Variants in WDPCP observed in about 807,000 individuals in gnomAD.
WDPCP encodes WD repeat-containing and planar cell polarity effector protein fritz homolog.
A neutral mutation model predicts 93.1 loss-of-function variants in WDPCP; 71 were observed. The ratio of observed to expected loss-of-function variants is 0.76; its 90% confidence interval spans 0.63 to 0.93. WDPCP has a LOEUF of 0.93. Ranked by LOEUF, WDPCP falls within the 40% of genes least tolerant of loss-of-function variation. WDPCP has a pLI of 0.00. For missense variants in WDPCP, 844 were observed against 887.4 expected (o/e 0.95, Z 0.62); for synonymous variants, 315 against 315.0 (o/e 1.00, Z 0.00).
At chr2:63,150,952 C>T (rs1671848558) in intron 17 of WDPCP, among the ~76,000 whole-genome samples, 1 of 152,296 alleles carries the variant, frequency 6.6e-6, no homozygotes, top group Non-Finnish European at 1.5e-5. Context: ...ATAGCAATTT[C>T]TAAACAAGAA....
At chr2:63,134,254 G>A (rs1255985194) in intron 17 of WDPCP, among the ~76,000 whole-genome samples, 5 of 152,090 alleles carry the variant, frequency 3.3e-5, no homozygotes, top group Non-Finnish European at 7.4e-5. Context: ...TAATTTCTCT[G>A]TAGTATCTCT....
intron 2 of WDPCP, among the ~76,000 whole-genome samples, chr2:63,758,095 T>G (rs1457780651): frequency 7.3e-6 from 1 of 137,774 alleles, no homozygotes; most frequent in Non-Finnish European, 1.6e-5. Context: ...GTGTTGTTGG[T>G]TTTTTTTTTT....
chr2:63,771,817 A>T (rs1670230871), intron 2 of WDPCP, among the ~76,000 whole-genome samples: 1 of 151,808 alleles, frequency 6.6e-6, no homozygotes, highest in Non-Finnish European at 1.5e-5. Context: ...CTTTTCCTGT[A>T]TTAATTCTTA....
At chr2:63,356,020 C>T (rs1689996931) in intron 12 of WDPCP, among the ~76,000 whole-genome samples, 1 of 152,178 alleles carries the variant, frequency 6.6e-6, no homozygotes, top group South Asian at 2.1e-4. Context: ...GGTATGCTGT[C>T]TTCAAGAGAC....
At chr2:63,754,563 TA>T (rs1669933615) in intron 2 of WDPCP, among the ~76,000 whole-genome samples, 1 of 152,218 alleles carries the variant, frequency 6.6e-6, no homozygotes. Context: ...GTGTATTTGT[TA>T]GGGCTGGCTA....
Position 63,296,188 on chromosome 2 carries a change from C to A in WDPCP, c.1812+17060G>T, listed in dbSNP as rs531876779. 8.9e-4 allele frequency among the ~76,000 whole-genome samples: 129 copies of A among 144,706 alleles called. 2 individuals are homozygous for A. The highest frequency in any genetic ancestry group is 3.1e-3 in the African/African-American group (121 of 38,632). 94.9% of individuals were successfully genotyped at this position (144,706 alleles called of 152,430 possible). A position where few individuals can be genotyped will look rare whatever the true frequency, so the allele number is the denominator to read the frequency against. ...CATAAACAGAATTAAAAACAAAAAC[C>A]ATATGATCATCTCAGTAGATGCAAA... On this transcript the variant is annotated intron_variant, in intron 13 of 17. Transcript: ENST00000272321.
chr2:63,641,117 G>A (rs966667766), intron 3 of WDPCP, among the ~76,000 whole-genome samples: 1 of 151,952 alleles, frequency 6.6e-6, no homozygotes, highest in Non-Finnish European at 1.5e-5. Context: ...AATGATCTTT[G>A]GTTCCATCCA....
intron 1 of WDPCP, among the ~76,000 whole-genome samples, chr2:63,555,356 C>A (rs1253783335): frequency 6.6e-6 from 1 of 152,228 alleles, no homozygotes; most frequent in Admixed American, 6.5e-5. Context: ...TGGGACTGTA[C>A]CCCTGCAGGG....
At chr2:63,544,616 A>G (rs1180763456) in intron 1 of WDPCP, among the ~76,000 whole-genome samples, 3 of 152,132 alleles carry the variant, frequency 2.0e-5, no homozygotes, top group African/African-American at 7.2e-5. Context: ...ATAATGGTGT[A>G]TATCTCCTCT....
At chr2:63,738,361 C>G (rs1669666809) in intron 2 of WDPCP, among the ~76,000 whole-genome samples, 1 of 151,988 alleles carries the variant, frequency 6.6e-6, no homozygotes, top group South Asian at 2.1e-4. Context: ...AGCAAATACT[C>G]AGGTTCTTAT....
intron 3 of WDPCP, chr2:63,595,282 C>G (rs146146485): frequency 1.0e-4 from 71 of 690,644 alleles, no homozygotes; most frequent in African/African-American, 1.0e-3. Flanking sequence ...TGCTAGATAC[C>G]TGACCTCCTA....
intron 3 of WDPCP, chr2:63,597,656 T>C (rs1709343146): frequency 8.0e-7 from 1 of 1,244,548 alleles, no homozygotes; most frequent in Non-Finnish European, 1.0e-6. Flanking sequence ...AAACCAAAAT[T>C]ATTTGCCCTT....
upstream of WDPCP, among the ~76,000 whole-genome samples, chr2:63,829,355 C>T (rs1029393308): frequency 1.3e-5 from 2 of 152,088 alleles, no homozygotes; most frequent in African/African-American, 4.8e-5. Flanking sequence ...GTGCCAACAT[C>T]AAACTGTTTT....
the WDPCP span, among the ~76,000 whole-genome samples, chr2:63,834,900 T>G: frequency 6.6e-6 from 1 of 152,200 alleles, no homozygotes; most frequent in African/African-American, 2.4e-5. Context: ...TTTTGTGGCA[T>G]CCAAAGTAGT....
chr2:63,280,261 C>T (rs1196585491), intron 13 of WDPCP, among the ~76,000 whole-genome samples: 3 of 152,070 alleles, frequency 2.0e-5, no homozygotes, highest in African/African-American at 7.2e-5. Context: ...AGAATCATGA[C>T]AGGAGGTGAA....
intron 15 of WDPCP, among the ~76,000 whole-genome samples, chr2:63,154,138 TA>T (rs1279108974): frequency 1.3e-5 from 2 of 152,046 alleles, no homozygotes; most frequent in African/African-American, 2.4e-5. Flanking sequence ...ATCTTTCACT[TA>T]TTTTTTTTTG....
At chr2:63,343,097 C>G (rs1170169941) in intron 12 of WDPCP, among the ~76,000 whole-genome samples, 1 of 152,132 alleles carries the variant, frequency 6.6e-6, no homozygotes, top group Non-Finnish European at 1.5e-5. Flanking sequence ...CTCTGCCTCC[C>G]AGGTTCGATT....
intron 17 of WDPCP, among the ~76,000 whole-genome samples, chr2:63,148,128 TTGAAGCCTGGGA>T (rs2103777351): frequency 6.6e-6 from 1 of 152,220 alleles, no homozygotes; most frequent in African/African-American, 2.4e-5. Context: ...TATTATCAGT[TTGAAGCCTGGGA>T]TGAAGCCTGG....
In WDPCP at chr2:63,597,424, C is replaced by T. The variant is rs748664587; in HGVS notation, n.488+53235G>A. On this transcript the variant is annotated intron_variant and non_coding_transcript_variant, in intron 3 of 4. Transcript: ENST00000467687. ...ATGTCATCGCAACAGATAAAGAAGA[C>T]GTTGCCTTCAAAGACCTGGATGTGG... 8.3e-6 allele frequency: 12 copies of T among 1,445,188 alleles called. No individual in the cohort carries two copies. Among genetic ancestry groups the T allele is most frequent in the South Asian group, 3.1e-5 (2 of 64,978 alleles). The allele number at this position is 1,445,188 out of a possible 1,614,324, so 89.5% of individuals were successfully genotyped here.
Sources: allele counts gnomAD v4.1 joint callset (sites outside exome capture counted in the v4.1 genomes callset), GRCh38; gene constraint gnomAD v4.1.1; transcripts MANE v1.5; gene names NCBI Gene and HGNC (gene_info 2026-07-23, HGNC 2026-07-21).